Variants in ARFGEF2 observed in about 807,000 individuals in gnomAD.
The protein encoded by ARFGEF2 is brefeldin A-inhibited guanine nucleotide-exchange protein 2.
In ARFGEF2, 74 loss-of-function variants were observed where a neutral mutation model predicts 219.9. The observed-to-expected ratio is 0.34, with a 90% CI of 0.28 to 0.41. The LOEUF (loss-of-function observed/expected upper bound fraction) is 0.41, where lower values mean the gene tolerates loss of function less well. Ranked by LOEUF, ARFGEF2 falls within the 10% of genes least tolerant of loss-of-function variation. The pLI is 1.00. For missense variants in ARFGEF2, 1,743 were observed against 2,218.3 expected (o/e 0.79, Z 4.30); for synonymous variants, 733 against 799.2 (o/e 0.92, Z 1.40).
intron 35 of ARFGEF2, 27 bp downstream of exon 35, chr20:49,023,208 C>G: frequency 6.2e-7 from 1 of 1,613,420 alleles, no homozygotes; most frequent in Non-Finnish European, 8.5e-7. Context: ...TCAGGAAGAG[C>G]ATCCCTGTCC....
intron 6 of ARFGEF2, among the ~76,000 whole-genome samples, chr20:48,961,889 C>T (rs1001539108): frequency 6.8e-6 from 1 of 146,794 alleles, no homozygotes; most frequent in Non-Finnish European, 1.5e-5. Flanking sequence ...ATAATAAATA[C>T]ATAAACTAGC....
rs1435636974 is a variant in ARFGEF2 at position 48,995,704 on chromosome 20, G to A, written c.3122-79G>A. The A allele has an allele frequency of 4.1e-5, 49 of 1,195,534 alleles. No individual in the cohort carries two copies. Among genetic ancestry groups the A allele is most frequent in the Middle Eastern group, 3.8e-4 (2 of 5,282 alleles). 74.1% of individuals were successfully genotyped at this position (1,195,534 alleles called of 1,614,324 possible). On this transcript the variant is annotated intron_variant, in intron 22 of 38. Coordinates refer to ENST00000371917, the MANE Select transcript of ARFGEF2 (RefSeq NM_006420.3). ...TCCCATTTATGTCCCCTGTCCCTGC[G>A]TGTTGACATAACAGGATGCTTTGTT...
At chr20:49,017,131 T>C (rs2091535492) in intron 31 of ARFGEF2, 118 bp from the exon 32 acceptor site, 1 of 1,025,468 alleles carries the variant, frequency 9.8e-7, no homozygotes, top group Non-Finnish European at 1.5e-6. Flanking sequence ...GCTTCATTAA[T>C]TAAAAGCCTA....
chr20:48,933,007 T>C lies in ARFGEF2; in HGVS notation c.122-8192T>C, dbSNP rs140480059. Among the ~76,000 whole-genome samples, 1,054 of 152,234 alleles carry C rather than the reference T, an allele frequency of 6.9e-3. 7 individuals are homozygous for C. Among genetic ancestry groups the C allele is most frequent in the Non-Finnish European group, 9.4e-3 (637 of 68,002 alleles). ...TGGGTTTGAGGTTGGTGATGGTGAT[T>C]GTTGGACTTGCCTTGGGAGTGGAAG... On this transcript the variant is annotated intron_variant, in intron 1 of 38. Transcript: ENST00000371917.
intron 6 of ARFGEF2, among the ~76,000 whole-genome samples, chr20:48,960,918 A>G (rs1331542705): frequency 2.6e-5 from 4 of 151,402 alleles, no homozygotes; most frequent in East Asian, 3.9e-4. Context: ...CTTCTCTACT[A>G]AAAATACAAA....
At chr20:49,008,692 A>G (rs2091477951) in intron 26 of ARFGEF2, among the ~76,000 whole-genome samples, 1 of 150,936 alleles carries the variant, frequency 6.6e-6, no homozygotes, top group African/African-American at 2.4e-5. Flanking sequence ...ATGAAATACC[A>G]TATATCATGT....
intron 10 of ARFGEF2, among the ~76,000 whole-genome samples, chr20:48,971,842 A>G (rs1365201185): frequency 1.3e-5 from 2 of 152,006 alleles, no homozygotes; most frequent in Admixed American, 6.6e-5. Context: ...CGGAGCTTGC[A>G]GTGAGCCAAG....
intron 14 of ARFGEF2, among the ~76,000 whole-genome samples, chr20:48,982,448 T>A (rs954855953): frequency 6.6e-6 from 1 of 152,178 alleles, no homozygotes; most frequent in Non-Finnish European, 1.5e-5. Context: ...CCAGTTAGGC[T>A]ACATGGGGGT....
At chr20:48,964,370 A>G (rs535960897) in intron 7 of ARFGEF2, among the ~76,000 whole-genome samples, 2 of 152,348 alleles carry the variant, frequency 1.3e-5, no homozygotes, top group Admixed American at 6.5e-5. Context: ...GCACCACTGC[A>G]CTTCAGCCTG....
Position 49,017,483 on chromosome 20 carries a change from T to A in ARFGEF2, c.4455-13T>A, listed in dbSNP as rs772977629. Reference sequence around the variant, plus strand: ...TCACATTGATTATTTTTTTTCTCTATTTTTTTCTTCAGTTTGCTGACATGG... The same window carrying A: ...TCACATTGATTATTTTTTTTCTCTAATTTTTTCTTCAGTTTGCTGACATGG... On this transcript the variant is annotated splice_polypyrimidine_tract_variant and intron_variant, in intron 32 of 38. Transcript: ENST00000371917. 1 of 1,613,368 alleles carries A rather than the reference T, an allele frequency of 6.2e-7. No homozygotes were observed. Among genetic ancestry groups the A allele is most frequent in the South Asian group, 1.1e-5 (1 of 90,946 alleles).
chr20:49,017,659 T>C (rs2091539435), intron 33 of ARFGEF2, 109 bp downstream of exon 33: 10 of 1,115,176 alleles, frequency 9.0e-6, no homozygotes, highest in Non-Finnish European at 1.2e-5. Flanking sequence ...AGTAAAATTA[T>C]AAGATCTAAA....
At position 48,953,541 on chromosome 20, in the gene ARFGEF2, T is replaced by G. The variant is rs764433177; in HGVS notation, c.604-15T>G. On this transcript the variant is annotated splice_polypyrimidine_tract_variant and intron_variant, in intron 5 of 38. Transcript: ENST00000371917. Reference sequence around the variant, plus strand: ...CCTTACCAAAATGCTGTATCCCCCTTTTGTTGCCTTTTAGTTGCAGGAGGC... The same window carrying G: ...CCTTACCAAAATGCTGTATCCCCCTGTTGTTGCCTTTTAGTTGCAGGAGGC... The G allele has an allele frequency of 6.2e-7, 1 of 1,612,116 alleles. No homozygotes were observed. The highest frequency in any genetic ancestry group is 1.1e-5 in the South Asian group (1 of 91,020).
intron 25 of ARFGEF2, among the ~76,000 whole-genome samples, chr20:49,000,280 C>T (rs2091417619): frequency 6.6e-6 from 1 of 152,224 alleles, no homozygotes; most frequent in African/African-American, 2.4e-5. Context: ...GTCTGTTTTA[C>T]AAAATAATCT....
chr20:48,974,888 G>T lies in ARFGEF2; in HGVS notation c.1774+14G>T. 6.3e-7 allele frequency: 1 copy of T among 1,597,872 alleles called. No homozygotes were observed. The highest frequency in any genetic ancestry group is 8.6e-7 in the Non-Finnish European group (1 of 1,167,568). The stretch of plus-strand genomic sequence containing the variant: ...AGACCAGCCTCGGTGAGACAGCATT[G>T]CTGCCACACCCACCTCCATTCATAA... On this transcript the variant is annotated intron_variant, in intron 13 of 38. Transcript: ENST00000371917.
chr20:48,936,505 C>T lies in ARFGEF2; in HGVS notation c.122-4694C>T, dbSNP rs529822533. 3.6e-3 allele frequency among the ~76,000 whole-genome samples: 551 copies of T among 151,702 alleles called. 3 individuals are homozygous for T. Among genetic ancestry groups the T allele is most frequent in the African/African-American group, 0.013 (529 of 41,418 alleles). ...CTCACTTCTCGGACGGGGCGGTTGC[C>T]GGGCAGAGGGTCTCCTCACTTCTCT... is the stretch of plus-strand genomic sequence containing the variant. On this transcript the variant is annotated intron_variant, in intron 1 of 38. Coordinates refer to ENST00000371917, the MANE Select transcript of ARFGEF2 (RefSeq NM_006420.3).
At chr20:49,005,038 C>T (rs778203836) in intron 25 of ARFGEF2, 32 bp from the exon 26 acceptor site, 7 of 1,613,834 alleles carry the variant, frequency 4.3e-6, no homozygotes, top group Non-Finnish European at 5.9e-6. Context: ...TTACACTATA[C>T]CTGTTTCACA....
chr20:48,984,579 T>C, intron 14 of ARFGEF2, 150 bp from the exon 15 acceptor site: 2 of 1,021,656 alleles, frequency 2.0e-6, no homozygotes, highest in Non-Finnish European at 1.5e-6. Context: ...AGGTGGAATT[T>C]AGAAAAGCTG....
At chr20:49,018,296 G>A (rs1316724125) in intron 33 of ARFGEF2, among the ~76,000 whole-genome samples, 1 of 152,038 alleles carries the variant, frequency 6.6e-6, no homozygotes, top group Non-Finnish European at 1.5e-5. Flanking sequence ...GCAGCAGTGC[G>A]ATCTCGGCTC....
chr20:48,938,990 T>G (rs921699430), intron 1 of ARFGEF2, among the ~76,000 whole-genome samples: 3 of 150,928 alleles, frequency 2.0e-5, no homozygotes, highest in African/African-American at 7.3e-5. Context: ...GTTTTTTTTT[T>G]TTTTGAGAAA....
Sources: allele counts gnomAD v4.1 joint callset (sites outside exome capture counted in the v4.1 genomes callset), GRCh38; gene constraint gnomAD v4.1.1; transcripts MANE v1.5; gene names NCBI Gene and HGNC (gene_info 2026-07-23, HGNC 2026-07-21).